Variants in SCFD2 observed in about 807,000 individuals in gnomAD.
SCFD2 encodes sec1 family domain containing 2, also known as sec1 family domain-containing protein 2.
In SCFD2, 54 loss-of-function variants were observed where a neutral mutation model predicts 58.9. The observed-to-expected ratio is 0.92, with a 90% CI of 0.74 to 1.15. The LOEUF is 1.15. Ranked by LOEUF, SCFD2 falls within the 50% of genes most tolerant of loss-of-function variation. SCFD2 has a pLI of 0.00. For missense variants in SCFD2, 805 were observed against 836.6 expected, an observed-to-expected ratio of 0.96 and a Z score of 0.47; for synonymous variants, 321 against 335.9, an observed-to-expected ratio of 0.96 and a Z score of 0.49.
At chr4:52,972,677 C>T (rs370734458) in intron 5 of SCFD2, among the ~76,000 whole-genome samples, 3 of 152,070 alleles carry the variant, frequency 2.0e-5, no homozygotes, top group East Asian at 1.9e-4. Flanking sequence ...CTAATAGACA[C>T]CTACAGAACT....
intron 5 of SCFD2, among the ~76,000 whole-genome samples, chr4:53,034,376 G>C (rs1441895969): frequency 1.3e-5 from 2 of 152,086 alleles, no homozygotes; most frequent in African/African-American, 4.8e-5. Flanking sequence ...CATACTGAAT[G>C]GGCAAAAACT....
chr4:53,069,731 G>A (rs1456426168), intron 5 of SCFD2, among the ~76,000 whole-genome samples: 2 of 152,082 alleles, frequency 1.3e-5, no homozygotes, highest in South Asian at 2.1e-4. Flanking sequence ...AGAAGCTCTA[G>A]ACAGTAAAAA....
intron 5 of SCFD2, among the ~76,000 whole-genome samples, chr4:52,999,033 G>T (rs1035174650): frequency 6.6e-6 from 1 of 151,986 alleles, no homozygotes; most frequent in Non-Finnish European, 1.5e-5. Flanking sequence ...TTAATTTCAG[G>T]GCATTTTGAA....
intron 5 of SCFD2, chr4:52,949,173 C>A (rs986754386): frequency 6.6e-6 from 1 of 152,220 alleles, no homozygotes; most frequent in Non-Finnish European, 1.5e-5. Flanking sequence ...CATGCACACA[C>A]ACATATTTTA....
In SCFD2 at chr4:53,032,143, T is replaced by G. The variant is rs1157283468; in HGVS notation, c.1562-111273A>C. ...GAGTGGGGGCCAATATTCAACATTC[T>G]TAAAGAAAAGAATTTTCAACCCAGA... On this transcript the variant is annotated intron_variant, in intron 5 of 8. Transcript: ENST00000401642. 2.6e-5 allele frequency among the ~76,000 whole-genome samples: 4 copies of G among 152,294 alleles called. No homozygotes were observed. The East Asian group carries it at 7.7e-4, about 29-fold the overall frequency.
Position 52,901,879 on chromosome 4 carries a change from G to A in SCFD2, c.1842+5578C>T, listed in dbSNP as rs550132404. On this transcript the variant is annotated intron_variant, in intron 7 of 8. Transcript: ENST00000401642. Reference sequence around the variant, plus strand: ...ATCCAGCTACCCTGACTTTCCTATCGCAGAGGATTTGTTTGATGCAGATAA... The same window carrying A: ...ATCCAGCTACCCTGACTTTCCTATCACAGAGGATTTGTTTGATGCAGATAA... 3.2e-4 allele frequency among the ~76,000 whole-genome samples: 49 copies of A among 152,294 alleles called. No homozygotes were observed. In the East Asian group the frequency reaches 3.7e-3, roughly 11 times the overall value.
rs536162309 is a variant in SCFD2, at chr4:53,205,917, T to TA, written c.1312-60336dup. Among the ~76,000 whole-genome samples, 162 of 151,558 alleles carry TA rather than the reference T, an allele frequency of 1.1e-3. 2 individuals are homozygous for TA. The South Asian group carries it at 0.021, about 20-fold the overall frequency. On this transcript the variant is annotated intron_variant, in intron 4 of 8. Coordinates refer to ENST00000401642, the MANE Select transcript of SCFD2 (RefSeq NM_152540.4). ...ATAGTACAAAATAAGCTTAATAAATTAAAAAAAACACAATTATCAACTCAA... is the reference window on the plus strand; with the variant it reads ...ATAGTACAAAATAAGCTTAATAAATTAAAAAAAAACACAATTATCAACTCAA...
intron 4 of SCFD2, among the ~76,000 whole-genome samples, chr4:53,202,870 T>G (rs978225306): frequency 5.9e-5 from 9 of 152,212 alleles, no homozygotes; most frequent in African/African-American, 9.6e-5. Flanking sequence ...TTTTGCACAT[T>G]GATTTTGTAT....
intron 5 of SCFD2, among the ~76,000 whole-genome samples, chr4:53,047,823 G>A (rs1004493441): frequency 3.3e-5 from 5 of 152,146 alleles, no homozygotes; most frequent in African/African-American, 1.2e-4. Context: ...TCTCAGAAAT[G>A]GGCATCTCCA....
At chr4:52,953,255 C>T (rs1390952511) in intron 5 of SCFD2, among the ~76,000 whole-genome samples, 1 of 152,170 alleles carries the variant, frequency 6.6e-6, no homozygotes, top group Non-Finnish European at 1.5e-5. Context: ...ACAGTAGTTT[C>T]CAACTATAGA....
intron 5 of SCFD2, among the ~76,000 whole-genome samples, chr4:53,015,327 A>T (rs2170691): frequency 0.014 from 2,139 of 152,276 alleles, 28 homozygotes; most frequent in Non-Finnish European, 0.021. Context: ...GTTACTGGGG[A>T]CCTGCTATTT....
chr4:53,089,546 C>A (rs1448942041), intron 5 of SCFD2, among the ~76,000 whole-genome samples: 2 of 151,998 alleles, frequency 1.3e-5, no homozygotes, highest in Admixed American at 1.3e-4. Context: ...TCTGCTGGTA[C>A]AAAAGTCAAA....
chr4:53,222,910 T>C (rs746275200), intron 4 of SCFD2, among the ~76,000 whole-genome samples: 43 of 152,198 alleles, frequency 2.8e-4, no homozygotes, highest in Non-Finnish European at 5.6e-4. Context: ...AGTAGCAGAT[T>C]CTACAGAAAC....
At chr4:53,343,869 T>C (rs1733968596) in intron 2 of SCFD2, among the ~76,000 whole-genome samples, 1 of 152,184 alleles carries the variant, frequency 6.6e-6, no homozygotes, top group African/African-American at 2.4e-5. Flanking sequence ...ATTATCTCAA[T>C]AGATGCAGAA....
chr4:52,954,767 T>A (rs944541260), intron 5 of SCFD2, among the ~76,000 whole-genome samples: 7 of 152,150 alleles, frequency 4.6e-5, no homozygotes, highest in African/African-American at 1.4e-4. Flanking sequence ...AGCACAAACA[T>A]TAGCTCAAAG....
chr4:52,968,993 CAAT>C (rs1721030124), intron 5 of SCFD2, among the ~76,000 whole-genome samples: 1 of 152,208 alleles, frequency 6.6e-6, no homozygotes, highest in Non-Finnish European at 1.5e-5. Context: ...CCGCTATCCT[CAAT>C]ATCTGATCAT....
chr4:53,084,955 C>G (rs991811392), intron 5 of SCFD2, among the ~76,000 whole-genome samples: 1 of 152,166 alleles, frequency 6.6e-6, no homozygotes, highest in African/African-American at 2.4e-5. Context: ...AAACTGAAAG[C>G]CTTTCCTCTA....
At chr4:53,052,830 T>C (rs1482282165) in intron 5 of SCFD2, among the ~76,000 whole-genome samples, 1 of 152,060 alleles carries the variant, frequency 6.6e-6, no homozygotes, top group Non-Finnish European at 1.5e-5. Flanking sequence ...TACTGCGACA[T>C]GCAACAACAT....
In SCFD2 at chr4:53,051,445, G is replaced by A. The variant is rs1035546439; in HGVS notation, c.1561+93888C>T. Among the ~76,000 whole-genome samples, 5 of 152,244 alleles carry A rather than the reference G, an allele frequency of 3.3e-5. 1 individual carries two copies. The highest frequency in any genetic ancestry group is 7.2e-5 in the African/African-American group (3 of 41,568). On this transcript the variant is annotated intron_variant, in intron 5 of 8. Coordinates refer to ENST00000401642, the MANE Select transcript of SCFD2 (RefSeq NM_152540.4). ...TTCTATACCACTCTTTTCCCCAGCA[G>A]TATGGTCAGAAGTTGAAGAGCCCAA...
Sources: allele counts gnomAD v4.1 joint callset (sites outside exome capture counted in the v4.1 genomes callset), GRCh38; gene constraint gnomAD v4.1.1; transcripts MANE v1.5; gene names NCBI Gene and HGNC (gene_info 2026-07-23, HGNC 2026-07-21).